PTPN21: variants seen among roughly 807,000 people sequenced by gnomAD.
The protein encoded by PTPN21 is protein tyrosine phosphatase non-receptor type 21, also known as tyrosine-protein phosphatase non-receptor type 21.
In PTPN21, 77 loss-of-function variants were observed where a neutral mutation model predicts 131.8. The observed-to-expected ratio is 0.58, with a 90% CI of 0.49 to 0.71. The LOEUF (loss-of-function observed/expected upper bound fraction) is 0.71, where lower values mean the gene tolerates loss of function less well. Among genes scored for constraint, PTPN21 ranks in the 30% least tolerant of loss-of-function variants. The pLI is 0.00. For missense variants in PTPN21, 1,552 were observed against 1,527.1 expected (o/e 1.02, Z -0.27); for synonymous variants, 715 against 621.3 (o/e 1.15, Z -2.24).
intron 1 of PTPN21, chr14:88,552,523 TTTTG>T (rs1164839630): frequency 9.2e-5 from 14 of 152,206 alleles, no homozygotes; most frequent in African/African-American, 2.9e-4. Flanking sequence ...TGGCTAGTTT[TTTTG>T]TTTGTTTTGA....
intron 12 of PTPN21, among the ~76,000 whole-genome samples, chr14:88,484,710 GA>G (rs1271268990): frequency 6.6e-6 from 1 of 152,108 alleles, no homozygotes; most frequent in Non-Finnish European, 1.5e-5. Flanking sequence ...CCAACATGGT[GA>G]AACCCCATGT....
chr14:88,537,292 G>T (rs1208633603), intron 2 of PTPN21, among the ~76,000 whole-genome samples: 1 of 152,100 alleles, frequency 6.6e-6, no homozygotes, highest in Admixed American at 6.6e-5. Flanking sequence ...CAATTTCAGG[G>T]ACTGAAAGAC....
chr14:88,468,079 CTTTTTT>C lies in PTPN21; in HGVS notation c.*52_*57del. ...CGGGAAAGTATGAGTTAGGCAAGCG[CTTTTTT>C]TTTAAGCTGTAAACGCTTCACATGA... On this transcript the variant is annotated 3_prime_UTR_variant, in exon 19 of 19. Coordinates refer to ENST00000556564, the MANE Select transcript of PTPN21 (RefSeq NM_007039.4). 6.4e-7 allele frequency: 1 copy of C among 1,564,876 alleles called. No homozygotes were observed.
chr14:88,521,796 G>A (rs2078398430), intron 2 of PTPN21, among the ~76,000 whole-genome samples: 1 of 152,034 alleles, frequency 6.6e-6, no homozygotes, highest in Non-Finnish European at 1.5e-5. Flanking sequence ...CAGTTGGACT[G>A]TAGACTGTTC....
chr14:88,524,861 T>C (rs1278929990), intron 2 of PTPN21, among the ~76,000 whole-genome samples: 1 of 151,754 alleles, frequency 6.6e-6, no homozygotes, highest in East Asian at 1.9e-4. Context: ...GCTATAATTG[T>C]ACCACTGCAT....
At chr14:88,499,841 G>A (rs1303221037) in intron 8 of PTPN21, among the ~76,000 whole-genome samples, 2 of 152,126 alleles carry the variant, frequency 1.3e-5, no homozygotes, top group African/African-American at 2.4e-5. Flanking sequence ...AAAGGTAGGG[G>A]ATTGTACAAT....
chr14:88,545,171 CT>C (rs2078758690), intron 2 of PTPN21, among the ~76,000 whole-genome samples: 7 of 152,322 alleles, frequency 4.6e-5, no homozygotes, highest in Admixed American at 4.6e-4. Context: ...AGGTAACATT[CT>C]TCTGATTCCA....
At chr14:88,477,446 TAAAAA>T (rs59381948) in intron 13 of PTPN21, among the ~76,000 whole-genome samples, 9 of 76,382 alleles carry the variant, frequency 1.2e-4, no homozygotes, top group South Asian at 6.9e-4. Context: ...AAGACTGTTC[TAAAAA>T]AAAAAAAAAA....
At chr14:88,533,748 T>C (rs764958835) in intron 2 of PTPN21, among the ~76,000 whole-genome samples, 1 of 151,800 alleles carries the variant, frequency 6.6e-6, no homozygotes, top group Non-Finnish European at 1.5e-5. Context: ...CCAGGTGTGG[T>C]GGTGTAGACC....
chr14:88,518,408 ATATATATTTTTTTTTTTTTTTTTTT>A (rs2078330954), intron 2 of PTPN21, among the ~76,000 whole-genome samples: 1 of 18,506 alleles, frequency 5.4e-5, no homozygotes, highest in South Asian at 1.9e-3. Flanking sequence ...ATATATATAT[ATATATATTTTTTTTTTTTTTTTTTT>A]TTTTTTTTTT....
chr14:88,479,739 C>G lies in PTPN21; in HGVS notation c.1692G>C (p.Arg564=). The G allele has an allele frequency of 6.5e-7, 1 of 1,532,872 alleles. No individual in the cohort carries two copies. The allele number at this position is 1,532,872 out of a possible 1,614,324, so 95.0% of individuals were successfully genotyped here. Residue 564 remains arginine (R), a synonymous_variant, in exon 13 of 19, where the codon CGG becomes CGC. Transcript: ENST00000556564. ...SPNIMRTQVY[R]PPPPYPPPRP... ...TGGGGGGCGGGTAGGGTGGGGGTGGCCGGTACACCTGCGTCCGCATGATGT... is the reference window on the plus strand; with the variant it reads ...TGGGGGGCGGGTAGGGTGGGGGTGGGCGGTACACCTGCGTCCGCATGATGT...
rs375567597 is a variant in PTPN21, at chr14:88,472,386, T to C, written c.2729A>G (p.Asp910Gly). Reference sequence around the variant, plus strand: ...GAGTCGTGCTGTTGAGCACTCCCCATCAACTAGCCGTTTCTTAAGAATTCT... The same window carrying C: ...GAGTCGTGCTGTTGAGCACTCCCCACCAACTAGCCGTTTCTTAAGAATTCT... ...YERILKKRLV[D>G]GECSTARLPE... is the part of the protein sequence containing the mutation. Residue 910 changes from aspartate to glycine, a missense_variant, in exon 15 of 19, where the codon GAT (aspartate) becomes GGT (glycine). Around this residue, in one of 4 missense-constraint regions of PTPN21, gnomAD observed 316 missense variants for 378.5 expected, o/e 0.83. Coordinates refer to ENST00000556564, the MANE Select transcript of PTPN21 (RefSeq NM_007039.4). The C allele has an allele frequency of 4.3e-6, 7 of 1,613,852 alleles. No homozygotes were observed. Among genetic ancestry groups the C allele is most frequent in the Non-Finnish European group, 5.9e-6 (7 of 1,179,834 alleles).
chr14:88,548,216 A>AATTT (rs1163962726), intron 2 of PTPN21, among the ~76,000 whole-genome samples: 150 of 151,994 alleles, frequency 9.9e-4, no homozygotes, highest in South Asian at 6.0e-3. Context: ...CAAAGGGCTC[A>AATTT]CTCTTCACAG....
intron 3 of PTPN21, chr14:88,513,945 A>C (rs2078223704): frequency 6.6e-6 from 1 of 152,240 alleles, no homozygotes; most frequent in Non-Finnish European, 1.5e-5. Context: ...GTGACTTTGC[A>C]GAATGTGTTG....
chr14:88,472,139 T>A, intron 15 of PTPN21, 105 bp downstream of exon 15: 1 of 693,896 alleles, frequency 1.4e-6, no homozygotes, highest in Non-Finnish European at 2.5e-6. Context: ...TAAAAATAAA[T>A]TTTAAAATAT....
At chr14:88,550,692 A>C in intron 1 of PTPN21, 73 bp from the exon 2 acceptor site, 1 of 317,036 alleles carries the variant, frequency 3.2e-6, no homozygotes. Flanking sequence ...AAAGCCAGTC[A>C]AGCTGTGGCC....
intron 2 of PTPN21, among the ~76,000 whole-genome samples, chr14:88,530,381 A>T (rs4899955): frequency 1.3e-5 from 2 of 151,852 alleles, no homozygotes; most frequent in African/African-American, 4.8e-5. Context: ...GGGAAAAAAA[A>T]CCAAATTATT....
chr14:88,479,023 G>C lies in PTPN21; in HGVS notation c.2408C>G (p.Thr803Arg). 6.2e-7 allele frequency: 1 copy of C among 1,606,822 alleles called. No homozygotes were observed. The highest frequency in any genetic ancestry group is 8.5e-7 in the Non-Finnish European group (1 of 1,177,370). Residue 803 changes from threonine to arginine, a missense_variant, in exon 13 of 19, where the codon ACG (threonine) becomes AGG (arginine). Around this residue, in one of 4 missense-constraint regions of PTPN21, gnomAD observed 1,016 missense variants for 883.5 expected, o/e 1.15. Transcript: ENST00000556564. ...CCTCCGGGCTCGGTAGCGGCCTGAC[G>C]TGGTGAGGTCGGACTCCGACATGGA... The part of the protein sequence containing the change: ...MPSMSESDLT[T>R]SGRYRARRDS...
At chr14:88,500,149 C>CA (rs1177409164) in intron 8 of PTPN21, among the ~76,000 whole-genome samples, 1 of 132,490 alleles carries the variant, frequency 7.5e-6, no homozygotes, top group African/African-American at 3.1e-5. Flanking sequence ...AGGAAAGAGC[C>CA]CTTCAGGCTG....
Sources: gnomAD v4.1 joint callset for allele counts (sites outside exome capture counted in the v4.1 genomes callset) on GRCh38, gnomAD v4.1.1 for gene constraint, gnomAD v4.1.1 regional missense constraint, MANE v1.5 for transcripts, NCBI Gene and HGNC (gene_info 2026-07-23, HGNC 2026-07-21) for gene names.